The following VWA7 variants were observed in gnomAD, a reference collection of about 807,000 sequenced individuals.
VWA7 encodes von Willebrand factor A domain containing 7, also known as von Willebrand factor A domain-containing protein 7.
Under a neutral mutation model 83.1 loss-of-function variants are expected in VWA7, and 66 were observed. The ratio of observed to expected loss-of-function variants is 0.79; its 90% CI spans 0.65 to 0.98. VWA7 has a LOEUF of 0.98. Ranked by LOEUF, VWA7 falls within the 50% of genes least tolerant of loss-of-function variation. VWA7 has a pLI of 0.00. For synonymous variants in VWA7, 424 were observed against 488.5 expected (o/e 0.87, Z 1.74); for missense variants, 1,080 against 1,160.2 (o/e 0.93, Z 1.00).
chr6:31,775,394 G>C lies in VWA7; in HGVS notation c.549C>G (p.Gly183=). ...GGAGGTGAGGGTGTGGCTGCTGCTC[G>C]CCCAGCTCCACCCAGTTGCTATGAC... ...FYSHSNWVEL[G]EQQPHPHLLW... Residue 183 remains glycine, a synonymous_variant, in exon 4 of 17, where the codon GGC becomes GGG. Transcript: ENST00000375688. The surrounding 1 kb of genome is among the most constrained non-coding windows in gnomAD (Gnocchi z 5.9). The C allele has an allele frequency of 6.2e-7, 1 of 1,612,294 alleles. No individual in the cohort carries two copies. Among genetic ancestry groups the C allele is most frequent in the South Asian group, 1.1e-5 (1 of 90,986 alleles).
intron 10 of VWA7, among the ~76,000 whole-genome samples, chr6:31,768,139 C>CAAAAAA (rs9279412): frequency 6.5e-5 from 5 of 77,098 alleles, no homozygotes; most frequent in African/African-American, 5.2e-5. Flanking sequence ...GACTCTGTCT[C>CAAAAAA]AAAAAAAAAA....
Position 31,773,477 on chromosome 6 carries a change from A to T in VWA7, c.722-40T>A. 6.7e-7 allele frequency: 1 copy of T among 1,498,286 alleles called. No homozygotes were observed. 92.8% of individuals were successfully genotyped at this position (1,498,286 alleles called of 1,614,324 possible). On this transcript the variant is annotated intron_variant, in intron 5 of 16. Transcript: ENST00000375688. The surrounding 1 kb of genome is among the most constrained non-coding windows in gnomAD (Gnocchi z 5.3). ...GGGATCTGGAGAGTGGAGGTCAAAAACCCACTGCCTCCTAAGAAAATGAGG... is the reference window on the plus strand; with the variant it reads ...GGGATCTGGAGAGTGGAGGTCAAAATCCCACTGCCTCCTAAGAAAATGAGG...
rs753311568 is a variant in VWA7 at position 31,776,228 on chromosome 6, AAGGAGTGTTCG to A, written c.238_248del (p.Arg80CysfsTer2). On this transcript the variant is annotated frameshift_variant, in exon 3 of 17. Coordinates refer to ENST00000375688, the MANE Select transcript of VWA7 (RefSeq NM_025258.3). LOFTEE classifies it high-confidence loss of function. This position sits in a 1 kb window ranked among gnomAD's most constrained non-coding sequence, Gnocchi z 6.2. ...AGTAGGCGGCAAAGAGGTCATCAGC[AAGGAGTGTTCG>A]ACCCTGGGGAGAATAGCGGGCGACG... 6.2e-7 allele frequency: 1 copy of A among 1,613,754 alleles called. No homozygotes were observed. The highest frequency in any genetic ancestry group is 1.7e-5 in the Admixed American group (1 of 60,006).
chr6:31,777,025 C>CAGGGCTCTTGGGAGAA lies in VWA7; in HGVS notation c.-16+83_-16+84insTTCTCCCAAGAGCCCT. ...AGGTTCCTCCCCCACGCCCCCCTCC[C>CAGGGCTCTTGGGAGAA]CAGTCCCTGGCTGCGTCCCCAGCCC... On this transcript the variant is annotated intron_variant, in intron 1 of 16. Coordinates refer to ENST00000375688, the MANE Select transcript of VWA7 (RefSeq NM_025258.3). This position sits in a 1 kb window ranked among gnomAD's most constrained non-coding sequence, Gnocchi z 5.8. The CAGGGCTCTTGGGAGAA allele has an allele frequency of 2.4e-6, 1 of 420,082 alleles. No homozygotes were observed. The highest frequency in any genetic ancestry group is 8.1e-5 in the South Asian group (1 of 12,312). 26.0% of individuals were successfully genotyped at this position (420,082 alleles called of 1,614,324 possible).
chr6:31,770,216 G>C (rs1006227232), intron 7 of VWA7, 103 bp from the exon 8 acceptor site: 26 of 850,638 alleles, frequency 3.1e-5, no homozygotes, highest in Middle Eastern at 2.5e-4. Context: ...TTCTGGAGCC[G>C]ACAGGTATTG....
chr6:31,773,002 T>A lies in VWA7; in HGVS notation c.1039A>T (p.Ser347Cys), dbSNP rs565249818. 1 of 1,503,594 alleles carries A rather than the reference T, an allele frequency of 6.7e-7. No homozygotes were observed. 93.1% of individuals were successfully genotyped at this position (1,503,594 alleles called of 1,614,324 possible). A position where few individuals can be genotyped will look rare whatever the true frequency, so the allele number is the denominator to read the frequency against. ...ARHLVEQRRG[S>C]PMEPVHYVLV... ...ACATAGTGGACAGGCTCCATGGGGC[T>A]GCCTCTCCGCTGCTCCACAAGGTGG... Residue 347 changes from serine to cysteine, a missense_variant, in exon 7 of 17, where the codon AGC (serine) becomes TGC (cysteine). Physicochemically the swap from Ser to Cys is moderately radical, Grantham distance 112 (BLOSUM62 -1). Coordinates refer to ENST00000375688, the MANE Select transcript of VWA7 (RefSeq NM_025258.3). The surrounding 1 kb of genome is among the most constrained non-coding windows in gnomAD (Gnocchi z 5.3).
At position 31,773,457 on chromosome 6, in the gene VWA7, C is replaced by T; in HGVS notation, c.722-20G>A. On this transcript the variant is annotated intron_variant, in intron 5 of 16. Coordinates refer to ENST00000375688, the MANE Select transcript of VWA7 (RefSeq NM_025258.3). The surrounding 1 kb of genome is among the most constrained non-coding windows in gnomAD (Gnocchi z 5.3). ...ATTTCCCTGGGTTGGGGAAAGGGAT[C>T]TGGAGAGTGGAGGTCAAAAACCCAC... 1 of 1,554,482 alleles carries T rather than the reference C, an allele frequency of 6.4e-7. No homozygotes were observed. Among genetic ancestry groups the T allele is most frequent in the Non-Finnish European group, 8.7e-7 (1 of 1,150,056 alleles).
Position 31,775,519 on chromosome 6 carries a change from C to G in VWA7, c.514-90G>C, listed in dbSNP as rs551721348. The G allele has an allele frequency of 3.1e-5, 38 of 1,234,904 alleles. No individual in the cohort carries two copies. The Admixed American group carries it at 4.4e-4, about 14-fold the overall frequency. 76.5% of individuals were successfully genotyped at this position (1,234,904 alleles called of 1,614,324 possible). A position where few individuals can be genotyped will look rare whatever the true frequency, so the allele number is the denominator to read the frequency against. On this transcript the variant is annotated intron_variant, in intron 3 of 16. Transcript: ENST00000375688. This position sits in a 1 kb window ranked among gnomAD's most constrained non-coding sequence, Gnocchi z 5.9. Reference sequence around the variant, plus strand: ...CTAATATGCCACTCCTTTGAGTTCCCCATCCCGAAAGTCCCCTCCCACCCC... The same window carrying G: ...CTAATATGCCACTCCTTTGAGTTCCGCATCCCGAAAGTCCCCTCCCACCCC...
intron 7 of VWA7, 128 bp downstream of exon 7, chr6:31,772,826 C>T (rs896909433): frequency 1.7e-4 from 200 of 1,159,812 alleles, no homozygotes; most frequent in Admixed American, 7.5e-4. Context: ...CTCAAACTCC[C>T]GACCTCAGGT....
chr6:31,769,339 G>GT lies in VWA7; in HGVS notation c.1318-137dup. 1 of 1,110,034 alleles carries GT rather than the reference G, an allele frequency of 9.0e-7. No homozygotes were observed. The highest frequency in any genetic ancestry group is 1.3e-6 in the Non-Finnish European group (1 of 794,818). The allele number at this position is 1,110,034 out of a possible 1,614,324, so 68.8% of individuals were successfully genotyped here. On this transcript the variant is annotated intron_variant, in intron 9 of 16. Transcript: ENST00000375688. This position sits in a 1 kb window ranked among gnomAD's most constrained non-coding sequence, Gnocchi z 4.5. ...CTCTGCCTGCCTTCTGGCTGCTGGG[G>GT]TGGGGAATCCCAATGACAGAACCCC...
chr6:31,772,661 G>A (rs1422694838), intron 7 of VWA7, among the ~76,000 whole-genome samples: 1 of 117,658 alleles, frequency 8.5e-6, no homozygotes, highest in Admixed American at 1.2e-4. Flanking sequence ...GCAAAGGCAC[G>A]ATCTCGGGGC....
At position 31,773,011 on chromosome 6, in the gene VWA7, G is replaced by C. The variant is rs1812348120; in HGVS notation, c.1030C>G (p.Arg344Gly). The C allele has an allele frequency of 5.6e-6, 9 of 1,612,680 alleles. No individual in the cohort carries two copies. Among genetic ancestry groups the C allele is most frequent in the Non-Finnish European group, 7.6e-6 (9 of 1,179,968 alleles). Reference protein sequence around the residue: ...KIQARHLVEQRRGSPMEPVHY... With the variant: ...KIQARHLVEQGRGSPMEPVHY... Reference sequence around the variant, plus strand: ...ACAGGCTCCATGGGGCTGCCTCTCCGCTGCTCCACAAGGTGGCGAGCCTGG... The same window carrying C: ...ACAGGCTCCATGGGGCTGCCTCTCCCCTGCTCCACAAGGTGGCGAGCCTGG... Residue 344 changes from arginine to glycine, a missense_variant, in exon 7 of 17, where the codon CGG (arginine) becomes GGG (glycine). By Grantham distance (125) the Arg-to-Gly change is moderately radical (BLOSUM62 -2). Coordinates refer to ENST00000375688, the MANE Select transcript of VWA7 (RefSeq NM_025258.3). The surrounding 1 kb of genome is among the most constrained non-coding windows in gnomAD (Gnocchi z 5.3).
rs1811945329 is a variant in VWA7, at chr6:31,769,347, TC to T, written c.1318-145del. 2 of 1,042,914 alleles carry T rather than the reference TC, an allele frequency of 1.9e-6. No individual in the cohort carries two copies. Among genetic ancestry groups the T allele is most frequent in the Non-Finnish European group, 2.7e-6 (2 of 736,436 alleles). 64.6% of individuals were successfully genotyped at this position (1,042,914 alleles called of 1,614,324 possible). A position where few individuals can be genotyped will look rare whatever the true frequency, so the allele number is the denominator to read the frequency against. On this transcript the variant is annotated intron_variant, in intron 9 of 16. Transcript: ENST00000375688. This position sits in a 1 kb window ranked among gnomAD's most constrained non-coding sequence, Gnocchi z 4.5. ...GCCTTCTGGCTGCTGGGGTGGGGAA[TC>T]CCAATGACAGAACCCCCTGCCTTCA...
At position 31,775,440 on chromosome 6, in the gene VWA7, G is replaced by A; in HGVS notation, c.514-11C>T. The A allele has an allele frequency of 6.2e-7, 1 of 1,609,940 alleles. No homozygotes were observed. The highest frequency in any genetic ancestry group is 8.5e-7 in the Non-Finnish European group (1 of 1,178,364). On this transcript the variant is annotated splice_polypyrimidine_tract_variant and intron_variant, in intron 3 of 16. Coordinates refer to ENST00000375688, the MANE Select transcript of VWA7 (RefSeq NM_025258.3). The surrounding 1 kb of genome is among the most constrained non-coding windows in gnomAD (Gnocchi z 5.9). ...ATGACTGTAGAAATCCTGGTCCGGA[G>A]GACAGGAGAAGGGGAGTGAGGCACT...
rs765821178 is a variant in VWA7, at chr6:31,766,455, C to T, written c.2184+8G>A. 2.1e-5 allele frequency: 34 copies of T among 1,584,544 alleles called. No individual in the cohort carries two copies. The highest frequency in any genetic ancestry group is 2.7e-5 in the Non-Finnish European group (32 of 1,164,550). ...CAGCCCCAGCCGCACTTTCCCCTGG[C>T]GTCTCACCTCCAGAAGGACAGGGAC... On this transcript the variant is annotated splice_region_variant and intron_variant, in intron 14 of 16. Transcript: ENST00000375688. This position sits in a 1 kb window ranked among gnomAD's most constrained non-coding sequence, Gnocchi z 4.9.
Position 31,776,064 on chromosome 6 carries a change from G to T in VWA7, c.413C>A (p.Ala138Glu). ...CTCCCGCAGAGCCCCTACCAGGCGC[G>T]CGCGTCCCTGACCCAGTCGCTCAGC... ...FDAERLGQGR[A>E]RLVGALRETV... Residue 138 changes from alanine to glutamate, a missense_variant, in exon 3 of 17, where the codon GCG becomes GAG. Ala to Glu is a moderately radical substitution (Grantham distance 107). Coordinates refer to ENST00000375688, the MANE Select transcript of VWA7 (RefSeq NM_025258.3). This position sits in a 1 kb window ranked among gnomAD's most constrained non-coding sequence, Gnocchi z 6.2. 1 of 1,613,824 alleles carries T rather than the reference G, an allele frequency of 6.2e-7. No homozygotes were observed. Among genetic ancestry groups the T allele is most frequent in the Non-Finnish European group, 8.5e-7 (1 of 1,180,022 alleles).
At chr6:31,768,046 A>G (rs1252080325) in intron 10 of VWA7, among the ~76,000 whole-genome samples, 2 of 148,242 alleles carry the variant, frequency 1.3e-5, no homozygotes, top group East Asian at 4.2e-4. Flanking sequence ...AGGCTGGAGC[A>G]GGAGAATCGC....
At chr6:31,774,385 C>T in intron 5 of VWA7, 131 bp downstream of exon 5, 1 of 852,728 alleles carries the variant, frequency 1.2e-6, no homozygotes, top group Admixed American at 2.8e-5. Flanking sequence ...TTTCCTCCAC[C>T]CACCCTGTTC....
At chr6:31,768,275 G>A (rs1241833802) in intron 10 of VWA7, among the ~76,000 whole-genome samples, 2 of 152,104 alleles carry the variant, frequency 1.3e-5, no homozygotes, top group African/African-American at 4.8e-5. Context: ...AAAGTTGGAG[G>A]CAAGGGATTC....
Sources: allele counts gnomAD v4.1 joint callset (sites outside exome capture counted in the v4.1 genomes callset), GRCh38; gene constraint gnomAD v4.1.1; non-coding constraint Gnocchi (gnomAD v3.1); transcripts MANE v1.5; gene names NCBI Gene and HGNC (gene_info 2026-07-23, HGNC 2026-07-21).